Variants in HSDL1 observed in about 807,000 individuals in gnomAD.
HSDL1 encodes inactive hydroxysteroid dehydrogenase-like protein 1.
A neutral mutation model predicts 31.5 loss-of-function variants in HSDL1; 29 were observed. The ratio of observed to expected loss-of-function variants is 0.92; its 90% CI spans 0.69 to 1.26. HSDL1 has a LOEUF of 1.26. Among genes scored for constraint, HSDL1 ranks in the 50% most tolerant of loss-of-function variants. The pLI is 0.00. For missense variants in HSDL1, 503 were observed against 416.6 expected, an observed-to-expected ratio of 1.21 and a Z score of -1.81; for synonymous variants, 222 against 155.2, an observed-to-expected ratio of 1.43 and a Z score of -3.20.
At chr16:84,137,957 G>C (rs1597379010) in intron 1 of HSDL1, among the ~76,000 whole-genome samples, 1 of 151,300 alleles carries the variant, frequency 6.6e-6, no homozygotes, top group East Asian at 1.9e-4. Context: ...GCTACGGTCT[G>C]AGCGTTCCGC....
intron 3 of HSDL1, chr16:84,130,862 G>C (rs982201918): frequency 2.1e-6 from 1 of 477,332 alleles, no homozygotes; most frequent in Admixed American, 3.8e-5. Flanking sequence ...GTAGGAAGTG[G>C]GTCTGGAGGA....
intron 1 of HSDL1, among the ~76,000 whole-genome samples, chr16:84,142,856 A>C (rs570579857): frequency 6.6e-6 from 1 of 152,326 alleles, no homozygotes; most frequent in Admixed American, 6.5e-5. Flanking sequence ...AAAAAACTTA[A>C]GCTTTTCATA....
At chr16:84,133,562 T>G (rs1238331121) in intron 2 of HSDL1, among the ~76,000 whole-genome samples, 3 of 152,194 alleles carry the variant, frequency 2.0e-5, no homozygotes, top group Non-Finnish European at 4.4e-5. Flanking sequence ...AAACCTCGTC[T>G]CTATTAAAAA....
chr16:84,131,355 C>G (rs763375858), intron 2 of HSDL1, 28 bp from the exon 3 acceptor site: 1 of 1,466,438 alleles, frequency 6.8e-7, no homozygotes, highest in Admixed American at 1.7e-5. Flanking sequence ...GAGAGAGAGC[C>G]TCTTTGATTA....
rs776670636 is a variant in HSDL1 at position 84,129,730 on chromosome 16, AG to A, written c.711del (p.Ser238LeufsTer9). ...AGACTCTGTACAAAGATTCCTTTAG[AG>A]GCATATTCATATTGCAAGGCTCTGC... Reference protein sequence around the residue: ...HFSRALQYEYASKGIFVQSLI... With the variant: ...HFSRALQYEYXSKGIFVQSLI... On this transcript the variant is annotated frameshift_variant, in exon 5 of 6. Coordinates refer to ENST00000219439, the MANE Select transcript of HSDL1 (RefSeq NM_031463.5). LOFTEE classifies it high-confidence loss of function. 1.2e-6 allele frequency: 2 copies of A among 1,614,234 alleles called. No homozygotes were observed. Among genetic ancestry groups the A allele is most frequent in the Admixed American group, 3.3e-5 (2 of 60,020 alleles).
At position 84,124,748 on chromosome 16, in the gene HSDL1, A is replaced by G. The variant is rs1183444717; in HGVS notation, c.895-20T>C. 18 of 1,568,260 alleles carry G rather than the reference A, an allele frequency of 1.1e-5. No individual in the cohort carries two copies. The highest frequency in any genetic ancestry group is 1.6e-5 in the Non-Finnish European group (18 of 1,139,692). ...AAGAAACTAAAAATGAAAGAGAAAA[A>G]GGTTGTAAGGTTAGAACCCAAAATC... is the stretch of plus-strand genomic sequence containing the variant. On this transcript the variant is annotated intron_variant, in intron 5 of 5. Coordinates refer to ENST00000219439, the MANE Select transcript of HSDL1 (RefSeq NM_031463.5).
At chr16:84,135,850 G>A (rs1259330054) in intron 1 of HSDL1, among the ~76,000 whole-genome samples, 2 of 152,236 alleles carry the variant, frequency 1.3e-5, no homozygotes, top group Non-Finnish European at 1.5e-5. Flanking sequence ...CAGCTGGAGG[G>A]TGCCCCCTTT....
intron 2 of HSDL1, among the ~76,000 whole-genome samples, chr16:84,133,678 G>C (rs149807473): frequency 3.3e-4 from 50 of 152,246 alleles, no homozygotes; most frequent in African/African-American, 1.2e-3. Flanking sequence ...ACAGTGAGCC[G>C]AGATCATGCC....
In HSDL1 at chr16:84,135,557, G is replaced by C. The variant is rs569792319; in HGVS notation, c.-20C>G. On this transcript the variant is annotated 5_prime_UTR_variant, in exon 2 of 6. Coordinates refer to ENST00000219439, the MANE Select transcript of HSDL1 (RefSeq NM_031463.5). The stretch of plus-strand genomic sequence containing the variant: ...GGGGTCTCTTACCTTCTCTCTGCCA[G>C]TTCTGGGCCGTCAGCAGTATGTGGC... 1.3e-5 allele frequency: 2 copies of C among 152,364 alleles called. No homozygotes were observed. Among genetic ancestry groups the C allele is most frequent in the South Asian group, 2.1e-4 (1 of 4,828 alleles). 9.4% of individuals were successfully genotyped at this position (152,364 alleles called of 1,614,324 possible). A position where few individuals can be genotyped will look rare whatever the true frequency, so the allele number is the denominator to read the frequency against.
At chr16:84,143,480 G>C (rs139842407) in intron 1 of HSDL1, among the ~76,000 whole-genome samples, 1 of 152,174 alleles carries the variant, frequency 6.6e-6, no homozygotes, top group East Asian at 1.9e-4. Flanking sequence ...ATGGGGTTGG[G>C]GTTTCTTTTG....
intron 3 of HSDL1, chr16:84,130,885 G>T (rs988229196): frequency 5.5e-6 from 3 of 548,500 alleles, no homozygotes; most frequent in Non-Finnish European, 6.4e-6. Context: ...ACTGGGAACA[G>T]GAGAGAGCAG....
intron 1 of HSDL1, among the ~76,000 whole-genome samples, chr16:84,141,040 G>A (rs1033618176): frequency 6.6e-6 from 1 of 150,532 alleles, no homozygotes; most frequent in African/African-American, 2.5e-5. Flanking sequence ...GCAGTGAGCG[G>A]AGATCGCGCC....
chr16:84,128,043 C>G (rs2086626621), intron 5 of HSDL1, among the ~76,000 whole-genome samples: 1 of 148,860 alleles, frequency 6.7e-6, no homozygotes, highest in Non-Finnish European at 1.5e-5. Context: ...AATCCCAGCA[C>G]TTTGGGAGGC....
In HSDL1 at chr16:84,124,322, T is replaced by C. The variant is rs933760042; in HGVS notation, c.*308A>G. The stretch of plus-strand genomic sequence containing the variant: ...ATAAGACCTGACAAATCATATTATA[T>C]TTCAATATTAGACTGCTGTGGCTCT... On this transcript the variant is annotated 3_prime_UTR_variant, in exon 6 of 6. Transcript: ENST00000219439. The C allele has an allele frequency of 2.1e-5, 4 of 188,402 alleles. No homozygotes were observed. Among genetic ancestry groups the C allele is most frequent in the African/African-American group, 9.3e-5 (4 of 42,894 alleles). 11.7% of individuals were successfully genotyped at this position (188,402 alleles called of 1,614,324 possible). A position where few individuals can be genotyped will look rare whatever the true frequency, so the allele number is the denominator to read the frequency against.
At chr16:84,144,636 G>A (rs2086820575) in intron 1 of HSDL1, among the ~76,000 whole-genome samples, 1 of 152,124 alleles carries the variant, frequency 6.6e-6, no homozygotes, top group Non-Finnish European at 1.5e-5. Flanking sequence ...AAGAAGCACC[G>A]ACAAAGGAGG....
At chr16:84,144,910 G>T (rs2086830155) in intron 1 of HSDL1, among the ~76,000 whole-genome samples, 170 bp downstream of exon 1, 1 of 151,808 alleles carries the variant, frequency 6.6e-6, no homozygotes, top group Non-Finnish European at 1.5e-5. Flanking sequence ...GGGGTCAGGG[G>T]CGCCAAGGGG....
Position 84,123,112 on chromosome 16 carries a change from A to C in HSDL1, c.*1518T>G, listed in dbSNP as rs1403624092. On this transcript the variant is annotated 3_prime_UTR_variant, in exon 6 of 6. Transcript: ENST00000219439. Reference sequence around the variant, plus strand: ...AGCATCTCCCAGTGTGTAGATTTTCACATCTAAGTTCTGAAGACATGATCT... The same window carrying C: ...AGCATCTCCCAGTGTGTAGATTTTCCCATCTAAGTTCTGAAGACATGATCT... 6.6e-6 allele frequency: 1 copy of C among 151,808 alleles called. No individual in the cohort carries two copies. Among genetic ancestry groups the C allele is most frequent in the Non-Finnish European group, 1.5e-5 (1 of 67,924 alleles). 9.4% of individuals were successfully genotyped at this position (151,808 alleles called of 1,614,324 possible).
chr16:84,136,083 C>T (rs1299455181), intron 1 of HSDL1, among the ~76,000 whole-genome samples: 1 of 152,224 alleles, frequency 6.6e-6, no homozygotes, highest in African/African-American at 2.4e-5. Context: ...CCACCTGCAG[C>T]GTTCCCTGGA....
intron 5 of HSDL1, among the ~76,000 whole-genome samples, chr16:84,127,209 CTTTTTTTT>C (rs71148881): frequency 4.3e-5 from 4 of 93,378 alleles, no homozygotes; most frequent in African/African-American, 1.2e-4. Flanking sequence ...ACTGTTTCTT[CTTTTTTTT>C]TTTTTTTTTT....
Sources: gnomAD v4.1 joint callset for allele counts (sites outside exome capture counted in the v4.1 genomes callset) on GRCh38, gnomAD v4.1.1 for gene constraint, MANE v1.5 for transcripts, NCBI Gene and HGNC (gene_info 2026-07-23, HGNC 2026-07-21) for gene names.